RAD51C: variants seen among roughly 807,000 people sequenced by gnomAD.
The protein encoded by RAD51C is RAD51 paralog C.
Under a neutral mutation model 45.0 loss-of-function variants are expected in RAD51C, and 42 were observed. The observed-to-expected ratio is 0.93, with a 90% CI of 0.73 to 1.21. RAD51C has a LOEUF of 1.21. Among genes scored for constraint, RAD51C ranks in the 50% most tolerant of loss-of-function variants. The pLI, the probability that RAD51C is intolerant of heterozygous loss-of-function variation, is 0.00. For missense variants in RAD51C, 474 were observed against 452.2 expected, an observed-to-expected ratio of 1.05 and a Z score of -0.44; for synonymous variants, 172 against 159.8, an observed-to-expected ratio of 1.08 and a Z score of -0.58.
intron 5 of RAD51C, among the ~76,000 whole-genome samples, chr17:58,713,965 C>G (rs994125276): frequency 6.6e-6 from 1 of 151,802 alleles, no homozygotes; most frequent in Non-Finnish European, 1.5e-5. Flanking sequence ...TTAACCACCT[C>G]CTTATTGATG....
intron 7 of RAD51C, among the ~76,000 whole-genome samples, chr17:58,731,458 C>T (rs969719347): frequency 2.6e-5 from 4 of 152,062 alleles, no homozygotes; most frequent in African/African-American, 4.8e-5. Context: ...GGGGTTTCTC[C>T]ATGTTGGTCA....
At chr17:58,722,193 G>A (rs2048940418) in intron 6 of RAD51C, among the ~76,000 whole-genome samples, 1 of 152,152 alleles carries the variant, frequency 6.6e-6, no homozygotes, top group Non-Finnish European at 1.5e-5. Flanking sequence ...GAAAGCAGGG[G>A]TTCAGAGTTG....
At chr17:58,722,796 C>CA (rs1598507926) in intron 6 of RAD51C, among the ~76,000 whole-genome samples, 1 of 152,196 alleles carries the variant, frequency 6.6e-6, no homozygotes, top group East Asian at 1.9e-4. Context: ...GGATGCACAT[C>CA]AAAATCTCAT....
chr17:58,723,667 G>A (rs1291003176), intron 6 of RAD51C, among the ~76,000 whole-genome samples: 5 of 150,208 alleles, frequency 3.3e-5, no homozygotes, highest in Admixed American at 2.7e-4. Context: ...TCGATGACAT[G>A]AATATGCCAC....
At chr17:58,694,479 AT>A (rs35324884) in intron 1 of RAD51C, 23,865 of 148,052 alleles carry the variant, frequency 0.16, 1,708 homozygotes, top group Non-Finnish European at 0.21. Flanking sequence ...ATTAAGCTGA[AT>A]TTTTTTTTTT....
chr17:58,713,402 A>G (rs140546415), intron 5 of RAD51C, among the ~76,000 whole-genome samples: 16 of 152,136 alleles, frequency 1.1e-4, no homozygotes, highest in East Asian at 1.9e-4. Flanking sequence ...GTGCAGTGGC[A>G]TGATCTTGGT....
At chr17:58,693,429 T>A (rs2047868673) in intron 1 of RAD51C, 1 of 156,148 alleles carries the variant, frequency 6.4e-6, no homozygotes, top group African/African-American at 2.4e-5. Flanking sequence ...TGCACATCTC[T>A]CTATGACATG....
At chr17:58,718,584 T>C (rs1013130417) in intron 5 of RAD51C, among the ~76,000 whole-genome samples, 2 of 152,230 alleles carry the variant, frequency 1.3e-5, no homozygotes, top group African/African-American at 4.8e-5. Context: ...TGTAGGTCAG[T>C]ATTTATACAA....
intron 4 of RAD51C, among the ~76,000 whole-genome samples, chr17:58,707,631 AT>A (rs780739482): frequency 5.3e-5 from 8 of 151,928 alleles, no homozygotes; most frequent in Non-Finnish European, 1.2e-4. Flanking sequence ...TCACTTCCAC[AT>A]TTTAGGTATT....
At chr17:58,699,218 G>A (rs1268210931) in intron 3 of RAD51C, among the ~76,000 whole-genome samples, 1 of 152,014 alleles carries the variant, frequency 6.6e-6, no homozygotes, top group Non-Finnish European at 1.5e-5. Flanking sequence ...ATGCTGGCCA[G>A]GCTGGTCTCG....
intron 6 of RAD51C, among the ~76,000 whole-genome samples, chr17:58,723,637 G>A (rs1483430232): frequency 6.6e-6 from 1 of 151,608 alleles, no homozygotes. Flanking sequence ...CCATGTTGAT[G>A]TGTGACACTG....
chr17:58,699,718 G>T (rs932329993), intron 3 of RAD51C, among the ~76,000 whole-genome samples: 1 of 152,092 alleles, frequency 6.6e-6, no homozygotes, highest in African/African-American at 2.4e-5. Flanking sequence ...CATTATCAGC[G>T]TACATAACAA....
intron 4 of RAD51C, among the ~76,000 whole-genome samples, chr17:58,707,353 T>C (rs567083096): frequency 6.6e-6 from 1 of 152,098 alleles, no homozygotes; most frequent in Non-Finnish European, 1.5e-5. Context: ...ACCCCGTCTC[T>C]ACTAAAAATA....
intron 1 of RAD51C, chr17:58,694,569 A>G (rs2047923460): frequency 3.1e-6 from 1 of 325,004 alleles, no homozygotes; most frequent in Non-Finnish European, 6.0e-6. Flanking sequence ...GCAGTGGTGC[A>G]GGTTCAAGTG....
chr17:58,698,221 C>T (rs1332403007), intron 3 of RAD51C, among the ~76,000 whole-genome samples: 4 of 127,236 alleles, frequency 3.1e-5, no homozygotes, highest in South Asian at 5.1e-4. Flanking sequence ...CTCACTCTGT[C>T]GCCCAGGCTA....
intron 5 of RAD51C, 136 bp downstream of exon 5, chr17:58,710,126 G>A: frequency 9.7e-7 from 1 of 1,028,236 alleles, no homozygotes; most frequent in Non-Finnish European, 1.4e-6. Flanking sequence ...ACGTTTGGTT[G>A]GTTTCCATTA....
At chr17:58,700,726 C>T (rs1277052072) in intron 3 of RAD51C, among the ~76,000 whole-genome samples, 1 of 152,130 alleles carries the variant, frequency 6.6e-6, no homozygotes, top group Non-Finnish European at 1.5e-5. Context: ...AGGCGTGAGC[C>T]ACCACACCTG....
At chr17:58,732,723 A>G (rs2049483388) in intron 8 of RAD51C, 179 bp downstream of exon 8, 2 of 616,788 alleles carry the variant, frequency 3.2e-6, no homozygotes, top group African/African-American at 1.8e-5. Context: ...GTAGTCACAA[A>G]TGGACTGAAA....
At chr17:58,698,254 C>T (rs2048090326) in intron 3 of RAD51C, among the ~76,000 whole-genome samples, 1 of 149,388 alleles carries the variant, frequency 6.7e-6, no homozygotes, top group Non-Finnish European at 1.5e-5. Context: ...ACAATCTCGG[C>T]TCACTGCAAG....
Sources: allele counts gnomAD v4.1 joint callset (sites outside exome capture counted in the v4.1 genomes callset), GRCh38; gene constraint gnomAD v4.1.1; transcripts MANE v1.5; gene names NCBI Gene and HGNC (gene_info 2026-07-23, HGNC 2026-07-21).